Variants in ADGRA1 observed in about 807,000 individuals in gnomAD.
ADGRA1 encodes the protein adhesion G protein-coupled receptor A1.
A neutral mutation model predicts 21.3 loss-of-function variants in ADGRA1; 12 were observed. The observed-to-expected ratio is 0.56, with a 90% CI of 0.36 to 0.91. The LOEUF (loss-of-function observed/expected upper bound fraction) is 0.91. ADGRA1 is among the 40% of genes least tolerant of loss of function. ADGRA1 has a pLI of 0.01. For synonymous variants in ADGRA1, 385 were observed against 368.8 expected (o/e 1.04, Z -0.50); for missense variants, 790 against 805.6 (o/e 0.98, Z 0.23).
Position 133,114,260 on chromosome 10 carries a change from G to A in ADGRA1, c.401+11418G>A, listed in dbSNP as rs550687726. ...TGCCTGGGTCCAGGGATGGTACCTC[G>A]AGGCCACATGTGGCCTGACGTCCTG... is the stretch of plus-strand genomic sequence containing the variant. On this transcript the variant is annotated intron_variant, in intron 5 of 6. Coordinates refer to ENST00000392607, the MANE Select transcript of ADGRA1 (RefSeq NM_001083909.3). 5.9e-5 allele frequency among the ~76,000 whole-genome samples: 9 copies of A among 152,298 alleles called. No individual in the cohort carries two copies. The South Asian group carries it at 1.7e-3, about 28-fold the overall frequency.
intron 2 of ADGRA1, among the ~76,000 whole-genome samples, chr10:133,094,811 C>A (rs1851660466): frequency 6.6e-6 from 1 of 152,190 alleles, no homozygotes; most frequent in Non-Finnish European, 1.5e-5. Context: ...GGACAAGAAT[C>A]TGGGGCGTCG....
At chr10:133,112,536 GTCGGTTATTTGAGGTCTGTGGGCCGCA>G (rs1370631704) in intron 5 of ADGRA1, among the ~76,000 whole-genome samples, 13 of 149,314 alleles carry the variant, frequency 8.7e-5, no homozygotes, top group East Asian at 6.0e-4. Context: ...TGCAGGCCGC[GTCGGTTATTTGAGGTCTGTGGGCCGCA>G]TCGGTTATTT....
Position 133,102,768 on chromosome 10 carries a change from C to T in ADGRA1, c.327C>T (p.Tyr109=). ...LWIGVTARNI[Y]KQVTKKAPLC... ...TAGGAGTGACCGCCAGGAACATCTA[C>T]AAGCAGGTGACCAAGAAGGCCCCTC... Residue 109 remains tyrosine, a synonymous_variant, in exon 5 of 7, where the codon TAC becomes TAT. Coordinates refer to ENST00000392607, the MANE Select transcript of ADGRA1 (RefSeq NM_001083909.3). 13 of 1,612,862 alleles carry T rather than the reference C, an allele frequency of 8.1e-6. No homozygotes were observed. Among genetic ancestry groups the T allele is most frequent in the African/African-American group, 1.3e-5 (1 of 75,032 alleles).
intron 5 of ADGRA1, among the ~76,000 whole-genome samples, chr10:133,125,580 C>T (rs1344154719): frequency 5.3e-5 from 8 of 151,828 alleles, no homozygotes; most frequent in South Asian, 2.1e-4. Context: ...CCCGCCACCA[C>T]GCCCGGCTAA....
Position 133,098,622 on chromosome 10 carries a change from T to C in ADGRA1, c.132-18T>C, listed in dbSNP as rs762172823. On this transcript the variant is annotated intron_variant, in intron 3 of 6. Coordinates refer to ENST00000392607, the MANE Select transcript of ADGRA1 (RefSeq NM_001083909.3). ...CAGAGCCTCTGCTCATGTGAAACCC[T>C]CCTTTCCCGTCCCACAGCGCCATCC... 1.7e-5 allele frequency: 27 copies of C among 1,603,148 alleles called. No individual in the cohort carries two copies. Among genetic ancestry groups the C allele is most frequent in the Non-Finnish European group, 2.1e-5 (25 of 1,178,166 alleles).
At chr10:133,098,822 T>C in intron 4 of ADGRA1, 59 bp downstream of exon 4, 4 of 1,560,362 alleles carry the variant, frequency 2.6e-6, no homozygotes, top group Non-Finnish European at 2.6e-6. Context: ...GAGCGTCGTC[T>C]TGTTTACTAA....
intron 2 of ADGRA1, among the ~76,000 whole-genome samples, chr10:133,091,219 C>G (rs977851382): frequency 1.3e-5 from 2 of 152,206 alleles, no homozygotes; most frequent in Non-Finnish European, 2.9e-5. Context: ...CAGATCCTGC[C>G]AACTGGGAGG....
At chr10:133,122,286 G>A (rs1852284233) in intron 5 of ADGRA1, among the ~76,000 whole-genome samples, 1 of 152,218 alleles carries the variant, frequency 6.6e-6, no homozygotes, top group Admixed American at 6.5e-5. Flanking sequence ...GCCATGGCGG[G>A]AACAGAGCCG....
intron 4 of ADGRA1, among the ~76,000 whole-genome samples, chr10:133,100,028 G>C (rs1219247210): frequency 6.6e-6 from 1 of 152,230 alleles, no homozygotes; most frequent in Non-Finnish European, 1.5e-5. Flanking sequence ...TTCCTTCCCA[G>C]CACTACACTT....
intron 6 of ADGRA1, among the ~76,000 whole-genome samples, chr10:133,127,725 C>T (rs989732761): frequency 1.3e-5 from 2 of 151,904 alleles, no homozygotes; most frequent in African/African-American, 4.8e-5. Context: ...GTTCCTTCTG[C>T]GGCCCCAGGA....
intron 5 of ADGRA1, among the ~76,000 whole-genome samples, chr10:133,113,748 TG>T (rs1212248556): frequency 4.3e-4 from 1 of 2,332 alleles, no homozygotes; most frequent in Admixed American, 7.0e-3. Context: ...AGGGCAAGGA[TG>T]GGGGTGGGTG....
At chr10:133,113,856 G>T (rs896011940) in intron 5 of ADGRA1, among the ~76,000 whole-genome samples, 11 of 152,234 alleles carry the variant, frequency 7.2e-5, no homozygotes, top group African/African-American at 2.7e-4. Context: ...ATGTCCCTGT[G>T]GACCCTCGGA....
intron 5 of ADGRA1, among the ~76,000 whole-genome samples, chr10:133,120,384 G>A (rs560533520): frequency 1.9e-4 from 29 of 152,280 alleles, no homozygotes; most frequent in Middle Eastern, 3.4e-3. Flanking sequence ...CAGCCTGGGC[G>A]ACAGAGCGAG....
At chr10:133,117,663 G>A (rs1411532398) in intron 5 of ADGRA1, among the ~76,000 whole-genome samples, 1 of 152,268 alleles carries the variant, frequency 6.6e-6, no homozygotes. Flanking sequence ...TGGAGAAGGG[G>A]ATTGACTGTG....
Position 133,088,705 on chromosome 10 carries a change from C to T in ADGRA1, c.-202-3C>T, listed in dbSNP as rs1187960433. The T allele has an allele frequency of 1.6e-6, 2 of 1,227,718 alleles. No homozygotes were observed. The highest frequency in any genetic ancestry group is 2.0e-6 in the Non-Finnish European group (2 of 985,902). The allele number at this position is 1,227,718 out of a possible 1,614,324, so 76.1% of individuals were successfully genotyped here. A position where few individuals can be genotyped will look rare whatever the true frequency, so the allele number is the denominator to read the frequency against. On this transcript the variant is annotated splice_region_variant and splice_polypyrimidine_tract_variant and intron_variant, in intron 1 of 6. Transcript: ENST00000392607. ...GCCCCGCTGACCGCCGCTGTCTTCA[C>T]AGATGGGAGCAGCTCCCGGACTGCG... is the stretch of plus-strand genomic sequence containing the variant.
At chr10:133,089,957 C>G (rs1406365842) in intron 2 of ADGRA1, among the ~76,000 whole-genome samples, 6 of 152,280 alleles carry the variant, frequency 3.9e-5, no homozygotes, top group Non-Finnish European at 7.4e-5. Context: ...TCCCACCAGC[C>G]TCAGGAACCA....
chr10:133,096,526 AG>A (rs1851692600), intron 2 of ADGRA1, among the ~76,000 whole-genome samples: 1 of 152,216 alleles, frequency 6.6e-6, no homozygotes. Flanking sequence ...GTTGACAAGC[AG>A]GGTTTCGATG....
intron 5 of ADGRA1, among the ~76,000 whole-genome samples, chr10:133,108,797 C>T (rs1414850549): frequency 6.6e-6 from 1 of 151,902 alleles, no homozygotes; most frequent in Non-Finnish European, 1.5e-5. Context: ...CAGCTCCACC[C>T]CTCCCCTCAC....
chr10:133,089,405 C>G (rs982449961), intron 2 of ADGRA1, among the ~76,000 whole-genome samples: 3 of 152,222 alleles, frequency 2.0e-5, no homozygotes, highest in African/African-American at 2.4e-5. Context: ...GCCGCGCACA[C>G]GGCAGGCACG....
Sources: gnomAD v4.1 joint callset for allele counts (sites outside exome capture counted in the v4.1 genomes callset) on GRCh38, gnomAD v4.1.1 for gene constraint, MANE v1.5 for transcripts, NCBI Gene and HGNC (gene_info 2026-07-23, HGNC 2026-07-21) for gene names.